Variants in PPP2R1B observed in about 807,000 individuals in gnomAD.
PPP2R1B encodes protein phosphatase 2 scaffold subunit Abeta, also known as serine/threonine-protein phosphatase 2A 65 kDa regulatory subunit A beta isoform.
In PPP2R1B, 58 loss-of-function variants were observed where a neutral mutation model predicts 72.7. The observed-to-expected ratio is 0.80, with a 90% CI of 0.65 to 0.99. PPP2R1B has a LOEUF of 0.99. Among genes scored for constraint, PPP2R1B ranks in the 50% least tolerant of loss-of-function variants. PPP2R1B has a pLI of 0.00. For synonymous variants in PPP2R1B, 256 were observed against 264.6 expected (o/e 0.97, Z 0.32); for missense variants, 695 against 733.6 (o/e 0.95, Z 0.61).
At position 111,754,974 on chromosome 11, in the gene PPP2R1B, C is replaced by T. The variant is rs1555049108; in HGVS notation, c.958+6G>A. ...ACATGTTCCAACATAAATTGAACTC[C>T]TTAACCTTTTACTTTGTGGGCAGCA... On this transcript the variant is annotated splice_donor_region_variant and intron_variant, in intron 7 of 14. Transcript: ENST00000527614. 6.3e-7 allele frequency: 1 copy of T among 1,597,196 alleles called. No individual in the cohort carries two copies. The highest frequency in any genetic ancestry group is 1.3e-5 in the African/African-American group (1 of 74,362).
chr11:111,755,144 C>G lies in PPP2R1B; in HGVS notation c.844-50G>C, dbSNP rs1382479444. On this transcript the variant is annotated intron_variant, in intron 6 of 14. Coordinates refer to ENST00000527614, the MANE Select transcript of PPP2R1B (RefSeq NM_002716.5). ...TAATGTATACTAACAAAAGAATTAACAAGAACAAAACAAAATTGTGCAATC... is the reference window on the plus strand; with the variant it reads ...TAATGTATACTAACAAAAGAATTAAGAAGAACAAAACAAAATTGTGCAATC... The G allele has an allele frequency of 6.4e-6, 10 of 1,553,020 alleles. No homozygotes were observed. In the Admixed American group the frequency reaches 1.7e-4, roughly 27 times the overall value.
chr11:111,761,653 C>G (rs1323436624), intron 3 of PPP2R1B, among the ~76,000 whole-genome samples: 3 of 152,182 alleles, frequency 2.0e-5, no homozygotes, highest in African/African-American at 7.2e-5. Flanking sequence ...TCTGACAGAA[C>G]AATCAAGTGA....
At position 111,755,389 on chromosome 11, in the gene PPP2R1B, T is replaced by C; in HGVS notation, c.749A>G (p.Asp250Gly). 6.2e-7 allele frequency: 1 copy of C among 1,613,688 alleles called. No homozygotes were observed. The highest frequency in any genetic ancestry group is 8.5e-7 in the Non-Finnish European group (1 of 1,179,882). ...AGGCATCACCAAAGTCTCAAGGTCA[T>C]CCTGAGACAATAACTGGGCAATACT... ...CVSIAQLLSQDDLETLVMPTL... is the reference protein window; with the variant it reads ...CVSIAQLLSQGDLETLVMPTL... The change falls in exon 6 of 15, where the codon GAT becomes GGT. Residue 250 changes from aspartate (D) to glycine (G), a missense_variant. Physicochemically the swap from Asp to Gly is moderately conservative, Grantham distance 94. Coordinates refer to ENST00000527614, the MANE Select transcript of PPP2R1B (RefSeq NM_002716.5).
the PPP2R1B span, among the ~76,000 whole-genome samples, chr11:111,691,539 C>T: frequency 6.6e-6 from 1 of 152,202 alleles, no homozygotes. Context: ...TCTCCCACTA[C>T]ACCATTTTGT....
At chr11:111,694,758 G>A in the PPP2R1B span, among the ~76,000 whole-genome samples, 1 of 152,186 alleles carries the variant, frequency 6.6e-6, no homozygotes, top group Non-Finnish European at 1.5e-5. Flanking sequence ...TCCACAGTAA[G>A]CTGGGAATAT....
chr11:111,716,149 T>A, the PPP2R1B span, among the ~76,000 whole-genome samples: 237 of 152,324 alleles, frequency 1.6e-3, no homozygotes, highest in Non-Finnish European at 2.5e-3. Context: ...TTTTCCGAAT[T>A]ACCCCCTTCA....
intron 5 of PPP2R1B, 46 bp from the exon 6 acceptor site, chr11:111,755,496 T>A (rs375644673): frequency 6.4e-7 from 1 of 1,550,414 alleles, no homozygotes; most frequent in African/African-American, 1.4e-5. Flanking sequence ...CTGAGACCCA[T>A]GGGGAACTGC....
In PPP2R1B at chr11:111,741,098, T is replaced by C. The variant is rs1944501394; in HGVS notation, c.*498A>G. 2 of 987,674 alleles carry C rather than the reference T, an allele frequency of 2.0e-6. No individual in the cohort carries two copies. Among genetic ancestry groups the C allele is most frequent in the South Asian group, 4.7e-5 (1 of 21,416 alleles). 61.2% of individuals were successfully genotyped at this position (987,674 alleles called of 1,614,324 possible). A position where few individuals can be genotyped will look rare whatever the true frequency, so the allele number is the denominator to read the frequency against. On this transcript the variant is annotated 3_prime_UTR_variant, in exon 15 of 15. Transcript: ENST00000527614. Reference sequence around the variant, plus strand: ...TGCAGACCATCATAATTCAGGAAAATGTGGCTTTCATTACGGTCAAATCTC... The same window carrying C: ...TGCAGACCATCATAATTCAGGAAAACGTGGCTTTCATTACGGTCAAATCTC...
At chr11:111,743,195 A>G (rs1944586703) in intron 12 of PPP2R1B, among the ~76,000 whole-genome samples, 181 bp downstream of exon 12, 2 of 152,182 alleles carry the variant, frequency 1.3e-5, no homozygotes, top group Admixed American at 1.3e-4. Context: ...TGCCCAGCCA[A>G]TACTGTAGAT....
Position 111,739,103 on chromosome 11 carries a change from G to C in PPP2R1B, c.*2493C>G. 5 of 985,368 alleles carry C rather than the reference G, an allele frequency of 5.1e-6. No individual in the cohort carries two copies. Among genetic ancestry groups the C allele is most frequent in the Non-Finnish European group, 6.0e-6 (5 of 829,924 alleles). The allele number at this position is 985,368 out of a possible 1,614,324, so 61.0% of individuals were successfully genotyped here. A position where few individuals can be genotyped will look rare whatever the true frequency, so the allele number is the denominator to read the frequency against. On this transcript the variant is annotated 3_prime_UTR_variant, in exon 15 of 15. Coordinates refer to ENST00000527614, the MANE Select transcript of PPP2R1B (RefSeq NM_002716.5). ...AGCAGGAAAATCTTTCTGTCAGTGG[G>C]AGAATAAGACACAGTCTGGTTCTTT...
chr11:111,693,302 C>A, the PPP2R1B span, among the ~76,000 whole-genome samples: 1 of 151,622 alleles, frequency 6.6e-6, no homozygotes, highest in African/African-American at 2.4e-5. Flanking sequence ...CCACTGCCCT[C>A]CAGCCTGGTG....
chr11:111,747,464 T>TCCCTATGGCAA (rs1944743057), intron 11 of PPP2R1B, among the ~76,000 whole-genome samples: 1 of 152,168 alleles, frequency 6.6e-6, no homozygotes, highest in African/African-American at 2.4e-5. Flanking sequence ...GCCCTCTCTC[T>TCCCTATGGCAA]CCCTATGGCA....
intron 5 of PPP2R1B, among the ~76,000 whole-genome samples, 191 bp from the exon 6 acceptor site, chr11:111,755,641 G>A (rs1338528366): frequency 5.4e-5 from 8 of 148,192 alleles, no homozygotes; most frequent in Non-Finnish European, 1.0e-4. Flanking sequence ...CCAGATTGGA[G>A]TGCAGTGGCA....
downstream of PPP2R1B, chr11:111,723,724 C>T (rs763273773): frequency 6.2e-6 from 10 of 1,614,044 alleles, no homozygotes; most frequent in South Asian, 9.9e-5. Flanking sequence ...CTTTCCTCAG[C>T]CAGTACCAAG....
At chr11:111,720,361 T>C in the PPP2R1B span, 8 of 1,110,194 alleles carry the variant, frequency 7.2e-6, no homozygotes, top group Non-Finnish European at 1.0e-5. Flanking sequence ...AAAAGATGTT[T>C]TGATTGGAAA....
At chr11:111,705,198 C>T in the PPP2R1B span, 6 of 1,448,228 alleles carry the variant, frequency 4.1e-6, no homozygotes, top group East Asian at 5.4e-5. This position sits in a 1 kb window ranked among gnomAD's most constrained non-coding sequence, Gnocchi z 4.3. Flanking sequence ...ATGTTTGATA[C>T]ATTTTTCATC....
downstream of PPP2R1B, among the ~76,000 whole-genome samples, chr11:111,735,513 C>T (rs1254423796): frequency 6.6e-6 from 1 of 152,232 alleles, no homozygotes; most frequent in Non-Finnish European, 1.5e-5. Flanking sequence ...CCCGCGGCAG[C>T]AAGGTGTGGG....
chr11:111,755,552 G>T, intron 5 of PPP2R1B, 102 bp from the exon 6 acceptor site: 7 of 1,044,640 alleles, frequency 6.7e-6, no homozygotes, highest in South Asian at 3.8e-5. Context: ...CACCAAGACT[G>T]CCACACCTTA....
the PPP2R1B span, among the ~76,000 whole-genome samples, chr11:111,701,208 A>G: frequency 8.5e-5 from 13 of 152,232 alleles, no homozygotes; most frequent in Admixed American, 2.6e-4. This position sits in a 1 kb window ranked among gnomAD's most constrained non-coding sequence, Gnocchi z 4.2. Context: ...TGTCATCCTA[A>G]TATCAGCAGT....
Sources: allele counts gnomAD v4.1 joint callset (sites outside exome capture counted in the v4.1 genomes callset), GRCh38; gene constraint gnomAD v4.1.1; non-coding constraint Gnocchi (gnomAD v3.1); transcripts MANE v1.5; gene names NCBI Gene and HGNC (gene_info 2026-07-23, HGNC 2026-07-21).